The following MTMR2 variants were observed in gnomAD, a reference collection of about 807,000 sequenced individuals.
MTMR2 encodes the protein phosphatidylinositol-3,5-bisphosphate 3-phosphatase MTMR2.
In MTMR2, 55 loss-of-function variants were observed where a neutral mutation model predicts 86.9. The observed-to-expected ratio is 0.63, with a 90% confidence interval of 0.51 to 0.79. The LOEUF (loss-of-function observed/expected upper bound fraction) is 0.79, where lower values mean the gene tolerates loss of function less well. Among genes scored for constraint, MTMR2 ranks in the 30% least tolerant of loss-of-function variants. MTMR2 has a pLI of 0.00. For missense variants in MTMR2, 659 were observed against 772.3 expected (o/e 0.85, Z 1.74); for synonymous variants, 241 against 266.8 (o/e 0.90, Z 0.94).
chr11:95,915,441 T>A (rs1240164639), intron 1 of MTMR2, among the ~76,000 whole-genome samples: 2 of 152,180 alleles, frequency 1.3e-5, no homozygotes, highest in African/African-American at 2.4e-5. Context: ...TATATACATA[T>A]GCTCTTCTAT....
intron 1 of MTMR2, among the ~76,000 whole-genome samples, chr11:95,896,159 A>G (rs1865873969): frequency 1.3e-5 from 2 of 152,060 alleles, no homozygotes; most frequent in African/African-American, 4.8e-5. Context: ...CTCAACTGAA[A>G]TATCACCTCC....
chr11:95,887,984 T>C (rs895154100), intron 2 of MTMR2, among the ~76,000 whole-genome samples, 172 bp downstream of exon 2: 3 of 152,226 alleles, frequency 2.0e-5, no homozygotes, highest in African/African-American at 7.2e-5. Context: ...CATTTTTCTT[T>C]TACAAATAAG....
At chr11:95,905,300 G>C in intron 1 of MTMR2, among the ~76,000 whole-genome samples, 1 of 149,130 alleles carries the variant, frequency 6.7e-6, no homozygotes. Context: ...TCTAAAGTGT[G>C]ATATTCTTAC....
intron 2 of MTMR2, among the ~76,000 whole-genome samples, chr11:95,869,451 T>C (rs1864767409): frequency 6.6e-6 from 1 of 152,190 alleles, no homozygotes; most frequent in Non-Finnish European, 1.5e-5. Flanking sequence ...AGAGATTCCC[T>C]ATATGACACA....
At position 95,868,435 on chromosome 11, in the gene MTMR2, C is replaced by G. The variant is rs75890414; in HGVS notation, c.187-2759G>C. The stretch of plus-strand genomic sequence containing the variant: ...AAAAATGTAATAGCAGAAATAAAAT[C>G]TGTATGCAATTAGCAACAAATTGCA... On this transcript the variant is annotated intron_variant, in intron 2 of 14. Coordinates refer to ENST00000346299, the MANE Select transcript of MTMR2 (RefSeq NM_016156.6). Among the ~76,000 whole-genome samples, 61 of 151,700 alleles carry G rather than the reference C, an allele frequency of 4.0e-4. No individual in the cohort carries two copies. The East Asian group carries it at 0.011, about 28-fold the overall frequency.
At chr11:95,873,130 T>A (rs1440068818) in intron 2 of MTMR2, among the ~76,000 whole-genome samples, 1 of 152,228 alleles carries the variant, frequency 6.6e-6, no homozygotes, top group Non-Finnish European at 1.5e-5. Context: ...GCTGGCCTCA[T>A]CAAATGAGTT....
chr11:95,877,331 C>CTTTTTT (rs1565368414), intron 2 of MTMR2, among the ~76,000 whole-genome samples: 1,359 of 94,542 alleles, frequency 0.014, 287 homozygotes, highest in African/African-American at 0.036. Context: ...ACAGGGAAGC[C>CTTTTTT]CTTTTTTTTT....
intron 12 of MTMR2, 105 bp downstream of exon 12, chr11:95,841,512 G>C: frequency 2.4e-6 from 2 of 839,488 alleles, no homozygotes; most frequent in Non-Finnish European, 4.2e-6. Flanking sequence ...GATGTTACAA[G>C]AATTTCCATT....
intron 2 of MTMR2, among the ~76,000 whole-genome samples, chr11:95,870,354 C>A (rs2135497875): frequency 6.6e-6 from 1 of 151,436 alleles, no homozygotes; most frequent in African/African-American, 2.4e-5. Context: ...TAAAAAAAAA[C>A]AAAACACTGC....
intron 10 of MTMR2, among the ~76,000 whole-genome samples, chr11:95,846,625 T>C (rs577022184): frequency 6.6e-6 from 1 of 152,310 alleles, no homozygotes; most frequent in South Asian, 2.1e-4. Context: ...CCCAACTATA[T>C]GTCTTATAAC....
intron 8 of MTMR2, among the ~76,000 whole-genome samples, chr11:95,850,390 G>C (rs1220010701): frequency 3.3e-5 from 5 of 152,102 alleles, no homozygotes; most frequent in Non-Finnish European, 7.4e-5. Flanking sequence ...ATTCTGTGCA[G>C]TTATCTAATA....
intron 2 of MTMR2, among the ~76,000 whole-genome samples, chr11:95,872,012 T>G (rs1000531117): frequency 6.6e-6 from 1 of 152,224 alleles, no homozygotes; most frequent in Non-Finnish European, 1.5e-5. Flanking sequence ...CATTTCTTGT[T>G]TTTGTCAGGT....
chr11:95,892,794 T>C (rs1865757942), intron 1 of MTMR2, among the ~76,000 whole-genome samples: 1 of 152,202 alleles, frequency 6.6e-6, no homozygotes, highest in Non-Finnish European at 1.5e-5. Context: ...TATCTGAATG[T>C]TTTAGTCCAC....
rs1013397910 is a variant in MTMR2 at position 95,833,362 on chromosome 11, A to C, written c.*1928T>G. On this transcript the variant is annotated 3_prime_UTR_variant, in exon 15 of 15. Coordinates refer to ENST00000346299, the MANE Select transcript of MTMR2 (RefSeq NM_016156.6). ...GCACAACCAATAGACATACAAAGTT[A>C]TGAAACATGTAACTGTCAATTCAAA... 3.9e-5 allele frequency: 6 copies of C among 152,160 alleles called. No homozygotes were observed. Among genetic ancestry groups the C allele is most frequent in the Non-Finnish European group, 8.8e-5 (6 of 68,018 alleles). 9.4% of individuals were successfully genotyped at this position (152,160 alleles called of 1,614,324 possible). A position where few individuals can be genotyped will look rare whatever the true frequency, so the allele number is the denominator to read the frequency against.
rs1477757265 is a variant in MTMR2, at chr11:95,857,995, C to T, written c.571-360G>A. 3.3e-5 allele frequency among the ~76,000 whole-genome samples: 5 copies of T among 152,210 alleles called. No individual in the cohort carries two copies. In the East Asian group the frequency reaches 7.7e-4, roughly 23 times the overall value. On this transcript the variant is annotated intron_variant, in intron 6 of 14. Transcript: ENST00000346299. ...ATTTGAACTGGAGTCATAAGACCAA[C>T]GTTGATTCCAAATGGTACTCCTACT... is the stretch of plus-strand genomic sequence containing the variant.
chr11:95,923,184 G>A (rs748849149), intron 1 of MTMR2, among the ~76,000 whole-genome samples: 1 of 152,134 alleles, frequency 6.6e-6, no homozygotes, highest in South Asian at 2.1e-4. Flanking sequence ...AAATGACAAC[G>A]TGGAGAACCA....
chr11:95,849,554 C>A, intron 9 of MTMR2, 120 bp downstream of exon 9: 1 of 908,110 alleles, frequency 1.1e-6, no homozygotes, highest in African/African-American at 1.7e-5. Flanking sequence ...GTTGAAGAGC[C>A]AAGACAAGAA....
chr11:95,871,844 C>T (rs993022065), intron 2 of MTMR2, among the ~76,000 whole-genome samples: 1 of 152,164 alleles, frequency 6.6e-6, no homozygotes, highest in African/African-American at 2.4e-5. Context: ...CCTAGGTTTT[C>T]TTCTAGGGTT....
At chr11:95,902,347 C>T (rs1342460542) in intron 1 of MTMR2, among the ~76,000 whole-genome samples, 1 of 152,166 alleles carries the variant, frequency 6.6e-6, no homozygotes, top group Non-Finnish European at 1.5e-5. Flanking sequence ...GTCCTTCCAT[C>T]TCTCTGTCAG....
Sources: allele counts gnomAD v4.1 joint callset (sites outside exome capture counted in the v4.1 genomes callset), GRCh38; gene constraint gnomAD v4.1.1; transcripts MANE v1.5; gene names NCBI Gene and HGNC (gene_info 2026-07-23, HGNC 2026-07-21).